The following ZMYM2 variants were observed in gnomAD, a reference collection of about 807,000 sequenced individuals.
The protein encoded by ZMYM2 is zinc finger MYM-type containing 2.
A neutral mutation model predicts 162.8 loss-of-function variants in ZMYM2; 56 were observed. That is an observed-to-expected ratio of 0.34 (90% CI 0.28 to 0.43). ZMYM2 has a LOEUF of 0.43. Among genes scored for constraint, ZMYM2 ranks in the 20% least tolerant of loss-of-function variants. The pLI is 1.00. For synonymous variants in ZMYM2, 510 were observed against 541.6 expected, an observed-to-expected ratio of 0.94 and a Z score of 0.81; for missense variants, 1,275 against 1,621.8, an observed-to-expected ratio of 0.79 and a Z score of 3.67.
the ZMYM2 span, among the ~76,000 whole-genome samples, chr13:19,866,911 G>T: frequency 6.6e-6 from 1 of 151,860 alleles, no homozygotes; most frequent in Non-Finnish European, 1.5e-5. Context: ...AAAAAAAAAA[G>T]TTGTTTATAA....
intron 8 of ZMYM2, 63 bp from the exon 9 acceptor site, chr13:20,027,137 AGTT>A (rs1952658526): frequency 2.8e-6 from 3 of 1,057,630 alleles, no homozygotes; most frequent in Admixed American, 2.9e-5. Context: ...TGATCTCAGT[AGTT>A]AAGATAAAAA....
At chr13:19,884,831 G>A in the ZMYM2 span, among the ~76,000 whole-genome samples, 2,377 of 152,122 alleles carry the variant, frequency 0.016, 44 homozygotes, top group African/African-American at 0.041. Flanking sequence ...CATTCCAGCA[G>A]TAAAAGAAAA....
intron 22 of ZMYM2, 67 bp from the exon 23 acceptor site, chr13:20,082,714 C>A: frequency 7.6e-7 from 1 of 1,318,314 alleles, no homozygotes; most frequent in Non-Finnish European, 1.0e-6. Flanking sequence ...ACTGTGTCTG[C>A]TTCTAGATGG....
chr13:19,909,618 A>T, the ZMYM2 span, among the ~76,000 whole-genome samples: 2 of 151,746 alleles, frequency 1.3e-5, no homozygotes, highest in African/African-American at 4.8e-5. Flanking sequence ...ATTTTAGTAG[A>T]GACAAGGTTT....
intron 14 of ZMYM2, among the ~76,000 whole-genome samples, chr13:20,056,440 T>C (rs977256742): frequency 6.6e-6 from 1 of 152,076 alleles, no homozygotes; most frequent in African/African-American, 2.4e-5. Flanking sequence ...CAAATACTAG[T>C]CTCTTCTCCA....
At chr13:19,889,460 C>A in the ZMYM2 span, among the ~76,000 whole-genome samples, 4 of 151,938 alleles carry the variant, frequency 2.6e-5, no homozygotes, top group Admixed American at 2.6e-4. Context: ...GCTGGGGTTA[C>A]AGGCTCCCGC....
chr13:20,082,970 C>A lies in ZMYM2; in HGVS notation c.3758C>A (p.Thr1253Lys). 4.3e-6 allele frequency: 7 copies of A among 1,613,938 alleles called. No homozygotes were observed. Among genetic ancestry groups the A allele is most frequent in the Non-Finnish European group, 5.9e-6 (7 of 1,179,852 alleles). Residue 1253 changes from threonine (T) to lysine (K), a missense_variant, in exon 23 of 25, where the codon ACG (threonine) becomes AAG (lysine). Physicochemically the swap from Thr to Lys is moderately conservative, Grantham distance 78. Transcript: ENST00000610343. ...VFRHWKKNPL[T>K]MENKACLRYQ... ...AGGCATTGGAAAAAAAATCCTTTAA[C>A]GATGGAAAACAAAGCGTGTCTTCGA...
intron 12 of ZMYM2, among the ~76,000 whole-genome samples, chr13:20,039,425 C>A (rs1418212394): frequency 6.6e-6 from 1 of 150,432 alleles, no homozygotes; most frequent in Non-Finnish European, 1.5e-5. Flanking sequence ...TCATAGATGA[C>A]TCTTTATTAT....
the ZMYM2 span, among the ~76,000 whole-genome samples, chr13:19,921,852 C>T: frequency 7.2e-5 from 11 of 152,028 alleles, no homozygotes; most frequent in Non-Finnish European, 1.6e-4. Context: ...AGGACTGCAA[C>T]CTGGAAGTAT....
chr13:19,952,926 C>G, the ZMYM2 span, among the ~76,000 whole-genome samples: 1 of 152,116 alleles, frequency 6.6e-6, no homozygotes, highest in Non-Finnish European at 1.5e-5. Context: ...GAAGTGAGAC[C>G]TTTAAGAGAT....
the ZMYM2 span, among the ~76,000 whole-genome samples, chr13:19,921,589 C>A: frequency 1.3e-5 from 2 of 151,826 alleles, no homozygotes; most frequent in African/African-American, 4.8e-5. Flanking sequence ...CTGTGATATT[C>A]GCTATTGATT....
At chr13:20,022,164 G>A (rs1210135613) in intron 7 of ZMYM2, among the ~76,000 whole-genome samples, 1 of 152,192 alleles carries the variant, frequency 6.6e-6, no homozygotes, top group Non-Finnish European at 1.5e-5. Context: ...TTAAAGGTGG[G>A]TGGGAGGTTT....
At chr13:19,978,949 T>C (rs1047931835) in intron 2 of ZMYM2, among the ~76,000 whole-genome samples, 1 of 152,204 alleles carries the variant, frequency 6.6e-6, no homozygotes, top group African/African-American at 2.4e-5. Context: ...CTTTCTGCTT[T>C]TGCTTATTTG....
At chr13:19,957,351 G>A (rs1209013288), upstream of ZMYM2, among the ~76,000 whole-genome samples, 1 of 152,192 alleles carries the variant, frequency 6.6e-6, no homozygotes, top group African/African-American at 2.4e-5. Flanking sequence ...TTGAGAAGTC[G>A]CCCATCCATT....
intron 2 of ZMYM2, among the ~76,000 whole-genome samples, chr13:19,980,334 T>G (rs1957202068): frequency 6.6e-6 from 1 of 152,226 alleles, no homozygotes; most frequent in African/African-American, 2.4e-5. Flanking sequence ...CCTTGATATA[T>G]TGGGTCTGTT....
Position 20,064,435 on chromosome 13 carries a change from C to G in ZMYM2, c.3038-16C>G. On this transcript the variant is annotated splice_polypyrimidine_tract_variant and intron_variant, in intron 18 of 24. Coordinates refer to ENST00000610343, the MANE Select transcript of ZMYM2 (RefSeq NM_197968.4). ...TGCTATTTCATTTAAAATAAAAGTT[C>G]TGATTTGGTTGTCAGCTGCTGAGGA... 1 of 1,571,866 alleles carries G rather than the reference C, an allele frequency of 6.4e-7. No homozygotes were observed. Among genetic ancestry groups the G allele is most frequent in the Non-Finnish European group, 8.6e-7 (1 of 1,157,402 alleles).
chr13:19,983,700 C>A (rs1262640552), intron 2 of ZMYM2, among the ~76,000 whole-genome samples: 3 of 152,060 alleles, frequency 2.0e-5, no homozygotes, highest in Non-Finnish European at 4.4e-5. Flanking sequence ...GCAATCTTAG[C>A]TCACTGCAGC....
the ZMYM2 span, among the ~76,000 whole-genome samples, chr13:19,885,293 C>CT: frequency 6.6e-6 from 1 of 152,122 alleles, no homozygotes; most frequent in Non-Finnish European, 1.5e-5. Flanking sequence ...TTTAAAGAAA[C>CT]AAGTCTTTAT....
At chr13:19,979,886 AT>A (rs1049451824) in intron 2 of ZMYM2, among the ~76,000 whole-genome samples, 1 of 151,886 alleles carries the variant, frequency 6.6e-6, no homozygotes, top group African/African-American at 2.4e-5. Context: ...GGTTTCAATC[AT>A]TTTTTCCCAC....
Sources: gnomAD v4.1 joint callset for allele counts (sites outside exome capture counted in the v4.1 genomes callset) on GRCh38, gnomAD v4.1.1 for gene constraint, MANE v1.5 for transcripts, NCBI Gene and HGNC (gene_info 2026-07-23, HGNC 2026-07-21) for gene names.